DLG2: variants seen among roughly 807,000 people sequenced by gnomAD.
The protein encoded by DLG2 is discs large MAGUK scaffold protein 2.
A neutral mutation model predicts 132.5 loss-of-function variants in DLG2; 45 were observed. The observed-to-expected ratio is 0.34, with a 90% CI of 0.27 to 0.44. The LOEUF (loss-of-function observed/expected upper bound fraction) is 0.44, where lower values mean the gene tolerates loss of function less well. DLG2 is among the 20% of genes least tolerant of loss of function. The pLI is 1.00. For synonymous variants in DLG2, 424 were observed against 419.6 expected (o/e 1.01, Z -0.13); for missense variants, 1,045 against 1,196.9 (o/e 0.87, Z 1.87).
chr11:84,289,008 G>A (rs959452230), intron 7 of DLG2, among the ~76,000 whole-genome samples: 1 of 151,966 alleles, frequency 6.6e-6, no homozygotes, highest in South Asian at 2.1e-4. Flanking sequence ...GAAAAGCAAG[G>A]CCCTTAATCA....
At chr11:85,038,936 T>A (rs758330346) in intron 6 of DLG2, among the ~76,000 whole-genome samples, 2 of 152,032 alleles carry the variant, frequency 1.3e-5, no homozygotes, top group Non-Finnish European at 2.9e-5. Context: ...CTGGAACTCC[T>A]GGAGATTATA....
At chr11:84,404,931 G>A (rs1470432214) in intron 7 of DLG2, among the ~76,000 whole-genome samples, 2 of 152,114 alleles carry the variant, frequency 1.3e-5, no homozygotes, top group Non-Finnish European at 2.9e-5. Context: ...ATAGCCTAGT[G>A]TTTATTGACT....
chr11:85,331,453 CTTT>C (rs1347291853), intron 3 of DLG2, among the ~76,000 whole-genome samples: 4 of 151,986 alleles, frequency 2.6e-5, no homozygotes, highest in Non-Finnish European at 5.9e-5. Context: ...GCCTGGTTTT[CTTT>C]TTTATTTCTT....
intron 8 of DLG2, among the ~76,000 whole-genome samples, chr11:84,221,455 T>G (rs757888427): frequency 6.6e-6 from 1 of 151,746 alleles, no homozygotes; most frequent in Non-Finnish European, 1.5e-5. Flanking sequence ...CAGAGTGAGA[T>G]TCCATCTCAA....
At chr11:85,252,527 A>T (rs545935446) in intron 4 of DLG2, among the ~76,000 whole-genome samples, 64 of 152,260 alleles carry the variant, frequency 4.2e-4, no homozygotes, top group African/African-American at 1.5e-3. Context: ...TGGAGGTTGC[A>T]GTGAGCCAAG....
intron 3 of DLG2, among the ~76,000 whole-genome samples, chr11:85,459,598 G>A (rs1328642272): frequency 6.6e-6 from 1 of 152,104 alleles, no homozygotes; most frequent in East Asian, 1.9e-4. Context: ...CTGGTAAAGA[G>A]TAAGGGGTGG....
chr11:83,664,091 GC>G (rs1376286620), intron 18 of DLG2, among the ~76,000 whole-genome samples: 1 of 152,182 alleles, frequency 6.6e-6, no homozygotes, highest in Non-Finnish European at 1.5e-5. Context: ...GTAAGGATAA[GC>G]TATTGTAGAC....
intron 6 of DLG2, among the ~76,000 whole-genome samples, chr11:84,775,524 T>C (rs11234170): frequency 0.27 from 41,092 of 151,980 alleles, 6,075 homozygotes; most frequent in Middle Eastern, 0.32. Flanking sequence ...AACTTAAGTG[T>C]CCATCAATGC....
intron 16 of DLG2, among the ~76,000 whole-genome samples, chr11:83,869,256 A>G (rs2062972266): frequency 6.6e-6 from 1 of 152,132 alleles, no homozygotes; most frequent in East Asian, 1.9e-4. Context: ...AAAAAAGACG[A>G]GTCTTTTAGG....
rs934102555 is a variant in DLG2, at chr11:83,459,494, C to T, written c.*324G>A. Reference sequence around the variant, plus strand: ...GCAAAAGACACAGAGAGCTCTGCAGCTAAATCAGCTCTGGACATCTGCTGG... The same window carrying T: ...GCAAAAGACACAGAGAGCTCTGCAGTTAAATCAGCTCTGGACATCTGCTGG... On this transcript the variant is annotated 3_prime_UTR_variant, in exon 28 of 28. Transcript: ENST00000376104. The T allele has an allele frequency of 3.2e-4, 62 of 191,822 alleles. No homozygotes were observed. Among genetic ancestry groups the T allele is most frequent in the African/African-American group, 1.4e-3 (59 of 43,062 alleles). 11.9% of individuals were successfully genotyped at this position (191,822 alleles called of 1,614,324 possible). A position where few individuals can be genotyped will look rare whatever the true frequency, so the allele number is the denominator to read the frequency against.
Position 85,485,867 on chromosome 11 carries a change from G to A in DLG2, c.40+112790C>T, listed in dbSNP as rs572297521. 3.3e-5 allele frequency among the ~76,000 whole-genome samples: 5 copies of A among 152,286 alleles called. No individual in the cohort carries two copies. The East Asian group carries it at 9.6e-4, about 29-fold the overall frequency. ...GCCATCCTGAGAACTTTGCTGCTTA[G>A]AATCTGCATCCTGTCCTGAGGCAGG... On this transcript the variant is annotated intron_variant, in intron 3 of 27. Coordinates refer to ENST00000376104, the MANE Select transcript of DLG2 (RefSeq NM_001142699.3).
intron 17 of DLG2, among the ~76,000 whole-genome samples, chr11:83,828,152 G>A (rs1227417084): frequency 1.3e-5 from 2 of 152,114 alleles, no homozygotes; most frequent in Admixed American, 1.3e-4. Flanking sequence ...ACACTAGATG[G>A]CACCCATAAC....
intron 3 of DLG2, among the ~76,000 whole-genome samples, chr11:85,296,074 C>T (rs79564842): frequency 3.2e-4 from 48 of 152,154 alleles, no homozygotes; most frequent in African/African-American, 9.2e-4. Context: ...ATATTAGTTA[C>T]GCAATAATAT....
At chr11:84,001,142 T>C (rs972052501) in intron 11 of DLG2, among the ~76,000 whole-genome samples, 19 of 151,982 alleles carry the variant, frequency 1.3e-4, no homozygotes, top group Admixed American at 3.9e-4. Context: ...TTAAAAGATA[T>C]AGACTGGCTG....
chr11:84,262,173 C>T (rs2097556077), intron 7 of DLG2, among the ~76,000 whole-genome samples: 1 of 152,124 alleles, frequency 6.6e-6, no homozygotes, highest in African/African-American at 2.4e-5. Flanking sequence ...CCCAAGATCA[C>T]CAGACTAATA....
intron 7 of DLG2, among the ~76,000 whole-genome samples, chr11:84,289,117 T>C (rs2097950752): frequency 6.6e-6 from 1 of 152,120 alleles, no homozygotes; most frequent in Non-Finnish European, 1.5e-5. Context: ...CCTTTCATAA[T>C]GAAAGGAAAA....
chr11:84,777,407 C>T (rs999509118), intron 6 of DLG2, among the ~76,000 whole-genome samples: 2 of 147,928 alleles, frequency 1.4e-5, no homozygotes, highest in East Asian at 2.0e-4. Context: ...CTGTGATAAA[C>T]GTAACAGTGT....
chr11:85,566,777 T>C (rs1461316677), intron 3 of DLG2, among the ~76,000 whole-genome samples: 2 of 152,162 alleles, frequency 1.3e-5, no homozygotes, highest in Non-Finnish European at 2.9e-5. Context: ...ACATCTATGT[T>C]TCCTTCTAAG....
chr11:84,926,187 T>C (rs2092970030), intron 6 of DLG2, among the ~76,000 whole-genome samples: 1 of 152,044 alleles, frequency 6.6e-6, no homozygotes, highest in African/African-American at 2.4e-5. Flanking sequence ...CAACCTCATA[T>C]TTAAGAAAAA....
Sources: allele counts gnomAD v4.1 joint callset (sites outside exome capture counted in the v4.1 genomes callset), GRCh38; gene constraint gnomAD v4.1.1; transcripts MANE v1.5; gene names NCBI Gene and HGNC (gene_info 2026-07-23, HGNC 2026-07-21).